FOXO3: variants seen among roughly 807,000 people sequenced by gnomAD.
FOXO3 encodes forkhead box protein O3.
FOXO3 carries 4 observed loss-of-function variants against 41.9 expected under a neutral mutation model. The ratio of observed to expected loss-of-function variants is 0.10; its 90% CI spans 0.05 to 0.22. The LOEUF (loss-of-function observed/expected upper bound fraction) is 0.22. Among genes scored for constraint, FOXO3 ranks in the 10% least tolerant of loss-of-function variants. The pLI, the probability that FOXO3 is intolerant of heterozygous loss-of-function variation, is 1.00. For missense variants in FOXO3, 534 were observed against 906.8 expected, an observed-to-expected ratio of 0.59 and a Z score of 5.28; for synonymous variants, 318 against 389.3, an observed-to-expected ratio of 0.82 and a Z score of 2.16.
intron 1 of FOXO3, chr6:108,618,030 C>T (rs760741749): frequency 3.0e-6 from 2 of 668,018 alleles, no homozygotes; most frequent in Non-Finnish European, 5.6e-6. Flanking sequence ...GCTGTTGGAA[C>T]ACGTCAATCG....
chr6:108,656,614 C>A, intron 1 of FOXO3: 1 of 525,850 alleles, frequency 1.9e-6, no homozygotes, highest in Non-Finnish European at 2.4e-6. Context: ...GTACTTGGCA[C>A]TTCACTGAGT....
intron 1 of FOXO3, among the ~76,000 whole-genome samples, chr6:108,565,618 G>A (rs930419327): frequency 1.3e-5 from 2 of 152,134 alleles, no homozygotes; most frequent in African/African-American, 4.8e-5. Flanking sequence ...CACAAGTGTG[G>A]GGGATACTGT....
intron 1 of FOXO3, among the ~76,000 whole-genome samples, chr6:108,638,696 G>A (rs970746804): frequency 1.1e-4 from 17 of 152,272 alleles, no homozygotes; most frequent in African/African-American, 4.1e-4. Flanking sequence ...GGCAAGCATC[G>A]CATTGTGGAA....
chr6:108,678,254 G>C (rs892878687), intron 2 of FOXO3, among the ~76,000 whole-genome samples: 1 of 152,324 alleles, frequency 6.6e-6, no homozygotes, highest in Middle Eastern at 3.4e-3. Context: ...AGAAGCAGAT[G>C]TATATAATGT....
Position 108,664,040 on chromosome 6 carries a change from C to A in FOXO3, c.1207C>A (p.Pro403Thr). ...NITLPPSQPSPTGGLMQRSSS... is the reference protein window; with the variant it reads ...NITLPPSQPSTTGGLMQRSSS... ...CACGCTCCCGCCATCCCAGCCATCG[C>A]CCACTGGGGGACTCATGCAGCGGAG... Residue 403 changes from proline (P) to threonine (T), a missense_variant, in exon 2 of 3, where the codon CCC becomes ACC. Transcript: ENST00000406360. 1 of 1,614,190 alleles carries A rather than the reference C, an allele frequency of 6.2e-7. No individual in the cohort carries two copies. The highest frequency in any genetic ancestry group is 8.5e-7 in the Non-Finnish European group (1 of 1,180,038).
chr6:108,660,943 C>G (rs978008836), intron 1 of FOXO3, among the ~76,000 whole-genome samples: 1 of 152,258 alleles, frequency 6.6e-6, no homozygotes, highest in Middle Eastern at 3.4e-3. Flanking sequence ...GCCTGTAGTC[C>G]TAGCTACTCG....
intron 1 of FOXO3, among the ~76,000 whole-genome samples, chr6:108,616,573 A>G (rs1482772895): frequency 2.0e-5 from 3 of 152,200 alleles, no homozygotes; most frequent in Non-Finnish European, 2.9e-5. Flanking sequence ...CTGGGATTAC[A>G]GGTGTGAGCC....
chr6:108,649,191 G>C (rs568700024), intron 1 of FOXO3, among the ~76,000 whole-genome samples: 3 of 152,072 alleles, frequency 2.0e-5, no homozygotes, highest in Non-Finnish European at 4.4e-5. Context: ...GGGTGACATA[G>C]ATAGGCCCAG....
At chr6:108,629,256 G>A (rs1165128490) in intron 1 of FOXO3, among the ~76,000 whole-genome samples, 1 of 152,154 alleles carries the variant, frequency 6.6e-6, no homozygotes, top group Non-Finnish European at 1.5e-5. Context: ...GATGGAAATT[G>A]CCCTCTACAT....
At chr6:108,656,424 A>G (rs549893932) in intron 1 of FOXO3, 16 of 985,144 alleles carry the variant, frequency 1.6e-5, no homozygotes, top group Non-Finnish European at 1.8e-5. Flanking sequence ...AGAAATTACC[A>G]GTTACTTCTG....
chr6:108,637,146 G>A (rs1778141384), intron 1 of FOXO3, among the ~76,000 whole-genome samples: 1 of 152,150 alleles, frequency 6.6e-6, no homozygotes, highest in African/African-American at 2.4e-5. Context: ...ATAAATTGAG[G>A]TATTGAGAGA....
chr6:108,598,070 C>T (rs1776937992), intron 1 of FOXO3, among the ~76,000 whole-genome samples: 1 of 152,148 alleles, frequency 6.6e-6, no homozygotes, highest in Non-Finnish European at 1.5e-5. Context: ...CAAAATTCCT[C>T]TCACGGAGTT....
At chr6:108,623,575 G>C (rs1777731289) in intron 1 of FOXO3, among the ~76,000 whole-genome samples, 1 of 152,096 alleles carries the variant, frequency 6.6e-6, no homozygotes, top group Non-Finnish European at 1.5e-5. Context: ...TTTGCTCCTG[G>C]GTGTTTGATG....
intron 2 of FOXO3, among the ~76,000 whole-genome samples, chr6:108,666,565 G>A (rs1201570619): frequency 6.6e-6 from 1 of 151,010 alleles, no homozygotes; most frequent in East Asian, 1.9e-4. Context: ...GGATGGTCTC[G>A]ATCTCCTGAC....
intron 1 of FOXO3, among the ~76,000 whole-genome samples, chr6:108,573,575 A>C (rs1352247787): frequency 1.3e-5 from 2 of 151,980 alleles, no homozygotes; most frequent in Admixed American, 6.5e-5. Flanking sequence ...CGCCTGTAAT[A>C]CCAGCACTTT....
At chr6:108,605,590 C>T (rs1351327744) in intron 1 of FOXO3, among the ~76,000 whole-genome samples, 8 of 152,110 alleles carry the variant, frequency 5.3e-5, no homozygotes, top group Non-Finnish European at 1.5e-5. Flanking sequence ...AAAAGCTTGC[C>T]TCAAATGACA....
chr6:108,665,094 C>G (rs1779010838), intron 2 of FOXO3, among the ~76,000 whole-genome samples: 1 of 152,178 alleles, frequency 6.6e-6, no homozygotes, highest in Admixed American at 6.5e-5. Flanking sequence ...CCTTCCCCCG[C>G]ACAGTTTGCT....
At position 108,663,706 on chromosome 6, in the gene FOXO3, G is replaced by T. The variant is rs1307706497; in HGVS notation, c.873G>T (p.Trp291Cys). ...ACAGTCCCTCCCAGCTCTCCAAGTG[G>T]CCTGGCAGCCCCACGTCACGCAGCA... The part of the protein sequence containing the change: ...ADDSPSQLSK[W>C]PGSPTSRSSD... The change falls in exon 2 of 3, where the codon TGG (tryptophan) becomes TGT (cysteine). Residue 291 changes from tryptophan (W) to cysteine (C), a missense_variant. Around this residue, in one of 8 missense-constraint regions of FOXO3, gnomAD observed 185 missense variants for 224.9 expected, o/e 0.82. Transcript: ENST00000406360. The T allele has an allele frequency of 1.2e-6, 2 of 1,613,498 alleles. No homozygotes were observed. The highest frequency in any genetic ancestry group is 2.2e-5 in the East Asian group (1 of 44,838).
chr6:108,658,884 TTTTG>T (rs927189813), intron 1 of FOXO3, among the ~76,000 whole-genome samples: 84 of 151,564 alleles, frequency 5.5e-4, no homozygotes, highest in African/African-American at 2.0e-3. Flanking sequence ...TTTTGTGTTT[TTTTG>T]TTTGTTTGTT....
Sources: allele counts gnomAD v4.1 joint callset (sites outside exome capture counted in the v4.1 genomes callset), GRCh38; gene constraint gnomAD v4.1.1; regional missense constraint gnomAD v4.1.1; transcripts MANE v1.5; gene names NCBI Gene and HGNC (gene_info 2026-07-23, HGNC 2026-07-21).